The following BMP2K variants were observed in gnomAD, a reference collection of about 807,000 sequenced individuals.
BMP2K encodes the protein BMP2 inducible kinase.
BMP2K carries 74 observed loss-of-function variants against 116.0 expected under a neutral mutation model. The ratio of observed to expected loss-of-function variants is 0.64; its 90% CI spans 0.53 to 0.77. The LOEUF is 0.77. Ranked by LOEUF, BMP2K falls within the 30% of genes least tolerant of loss-of-function variation. BMP2K has a pLI of 0.00. For synonymous variants in BMP2K, 486 were observed against 502.5 expected (o/e 0.97, Z 0.44); for missense variants, 1,365 against 1,403.6 (o/e 0.97, Z 0.44).
chr4:78,823,578 T>G (rs1445137966), intron 1 of BMP2K, among the ~76,000 whole-genome samples: 7 of 147,084 alleles, frequency 4.8e-5, no homozygotes, highest in Non-Finnish European at 6.0e-5. Context: ...TTATATATAG[T>G]TATATATAGG....
At chr4:78,870,398 A>C (rs1314831688) in intron 10 of BMP2K, among the ~76,000 whole-genome samples, 1 of 152,210 alleles carries the variant, frequency 6.6e-6, no homozygotes, top group Non-Finnish European at 1.5e-5. Flanking sequence ...CTAAACTTTA[A>C]AGAATAAGAA....
intron 1 of BMP2K, among the ~76,000 whole-genome samples, chr4:78,809,540 G>T (rs911314687): frequency 5.3e-5 from 8 of 151,890 alleles, no homozygotes; most frequent in African/African-American, 1.9e-4. Context: ...ACCACACCTG[G>T]CTAATTATTT....
At chr4:78,811,971 G>GT (rs763561458) in intron 1 of BMP2K, among the ~76,000 whole-genome samples, 84 of 148,856 alleles carry the variant, frequency 5.6e-4, no homozygotes, top group Non-Finnish European at 8.2e-4. Context: ...TTTTTAAAAA[G>GT]TTTTTTTTTT....
At position 78,907,280 on chromosome 4, in the gene BMP2K, C is replaced by T. The variant is rs193119346; in HGVS notation, c.2063-3330C>T. 3.3e-5 allele frequency among the ~76,000 whole-genome samples: 5 copies of T among 152,154 alleles called. No individual in the cohort carries two copies. The East Asian group carries it at 9.6e-4, about 29-fold the overall frequency. On this transcript the variant is annotated intron_variant, in intron 15 of 15. Coordinates refer to ENST00000502613, the MANE Select transcript of BMP2K (RefSeq NM_198892.2). ...TATTAATACAACTTTGATAAATGGA[C>T]AAAGGGCCAACAGAATGAGAAGTAT...
rs34428203 is a variant in BMP2K, at chr4:78,826,071, C to T, written c.213C>T (p.His71=). Residue 71 remains histidine (H), a synonymous_variant, in exon 2 of 16, where the codon CAC becomes CAT. Transcript: ENST00000502613. ...CCACAGTTTTCCTCGTGCGTACTCA[C>T]GGTGGAATCCGATGTGCATTGAAGC... The part of the protein sequence containing the change: ...GFSTVFLVRT[H]GGIRCALKRM... 2.1e-3 allele frequency: 3,362 copies of T among 1,613,954 alleles called. 3 individuals are homozygous for T. The highest frequency in any genetic ancestry group is 4.9e-3 in the Middle Eastern group (30 of 6,062).
At chr4:78,854,645 G>C (rs1731414650) in intron 7 of BMP2K, among the ~76,000 whole-genome samples, 2 of 152,052 alleles carry the variant, frequency 1.3e-5, no homozygotes. Context: ...TGATCCTCCT[G>C]AGTAACTGGT....
chr4:78,821,359 T>G (rs1472251378), intron 1 of BMP2K, among the ~76,000 whole-genome samples: 1 of 152,012 alleles, frequency 6.6e-6, no homozygotes, highest in Non-Finnish European at 1.5e-5. Flanking sequence ...ATCTGTATGT[T>G]TTTTCCAGTT....
At chr4:78,825,135 C>T (rs1260528852) in intron 1 of BMP2K, among the ~76,000 whole-genome samples, 6 of 151,970 alleles carry the variant, frequency 3.9e-5, no homozygotes, top group South Asian at 2.1e-4. Flanking sequence ...ACCTGGGAGG[C>T]GGAGGTTGCG....
At chr4:78,845,742 C>A (rs774976413) in intron 5 of BMP2K, among the ~76,000 whole-genome samples, 3 of 151,608 alleles carry the variant, frequency 2.0e-5, no homozygotes, top group Non-Finnish European at 4.4e-5. Flanking sequence ...AAATAGTTAA[C>A]CTTTTCTGAG....
intron 1 of BMP2K, among the ~76,000 whole-genome samples, chr4:78,823,317 G>C (rs1467203005): frequency 6.6e-6 from 1 of 151,722 alleles, no homozygotes. Context: ...TAGGATCCAT[G>C]GTTCCTCTGG....
chr4:78,871,798 G>A (rs1732367865), intron 11 of BMP2K, 52 bp from the exon 12 acceptor site: 9 of 1,220,970 alleles, frequency 7.4e-6, no homozygotes, highest in Non-Finnish European at 1.1e-5. Flanking sequence ...TTAAAAAAGG[G>A]CTCTGACACA....
chr4:78,815,416 G>T (rs959779848), intron 1 of BMP2K, among the ~76,000 whole-genome samples: 3 of 152,052 alleles, frequency 2.0e-5, no homozygotes, highest in Non-Finnish European at 4.4e-5. Context: ...AGTATAAAGA[G>T]GTAATTTCTC....
At chr4:78,804,665 C>CA (rs889168714) in intron 1 of BMP2K, among the ~76,000 whole-genome samples, 1 of 150,608 alleles carries the variant, frequency 6.6e-6, no homozygotes, top group African/African-American at 2.4e-5. Context: ...ATTCATCAGT[C>CA]AGGTTCCTAA....
intron 1 of BMP2K, among the ~76,000 whole-genome samples, chr4:78,799,244 A>G (rs1048006365): frequency 2.6e-5 from 4 of 152,014 alleles, no homozygotes; most frequent in Non-Finnish European, 5.9e-5. Context: ...GATATTAAAA[A>G]ATAACTTGAT....
chr4:78,811,401 A>G (rs1729083192), intron 1 of BMP2K, among the ~76,000 whole-genome samples: 1 of 152,222 alleles, frequency 6.6e-6, no homozygotes, highest in Admixed American at 6.5e-5. Flanking sequence ...ATATTCATTA[A>G]TGCTATTAAT....
chr4:78,882,196 T>TTTGAAATTTG (rs1732905462), intron 14 of BMP2K, among the ~76,000 whole-genome samples: 1 of 151,934 alleles, frequency 6.6e-6, no homozygotes, highest in African/African-American at 2.4e-5. Context: ...CAAATCATAA[T>TTTGAAATTTG]AGTATTTTGA....
At chr4:78,848,074 C>A (rs1371600781) in intron 6 of BMP2K, among the ~76,000 whole-genome samples, 1 of 151,476 alleles carries the variant, frequency 6.6e-6, no homozygotes, top group Non-Finnish European at 1.5e-5. Flanking sequence ...AAATGAATAT[C>A]TCCTTGGTTT....
chr4:78,862,270 C>A (rs757960172), intron 9 of BMP2K, among the ~76,000 whole-genome samples: 1 of 152,006 alleles, frequency 6.6e-6, no homozygotes, highest in Non-Finnish European at 1.5e-5. Context: ...AAGGAGTTCA[C>A]GTTCTAATTG....
intron 1 of BMP2K, among the ~76,000 whole-genome samples, chr4:78,791,460 C>A (rs987940655): frequency 6.6e-6 from 1 of 152,070 alleles, no homozygotes. Context: ...GCAAAATATG[C>A]ATAAGATTCA....
Sources: gnomAD v4.1 joint callset for allele counts (sites outside exome capture counted in the v4.1 genomes callset) on GRCh38, gnomAD v4.1.1 for gene constraint, MANE v1.5 for transcripts, NCBI Gene and HGNC (gene_info 2026-07-23, HGNC 2026-07-21) for gene names.